The following KMT2D variants were observed in gnomAD, a reference collection of about 807,000 sequenced individuals.
KMT2D encodes lysine methyltransferase 2D.
In KMT2D, 55 loss-of-function variants were observed where a neutral mutation model predicts 512.7. The ratio of observed to expected loss-of-function variants is 0.11; its 90% confidence interval spans 0.09 to 0.13. The LOEUF is 0.13. Ranked by LOEUF, KMT2D falls within the 10% of genes least tolerant of loss-of-function variation. The pLI is 1.00. For synonymous variants in KMT2D, 2,995 were observed against 2,904.0 expected (o/e 1.03, Z -1.01); for missense variants, 6,061 against 7,127.9 (o/e 0.85, Z 5.39).
In KMT2D at chr12:49,050,200, C is replaced by T. The variant is rs371906641; in HGVS notation, c.3388G>A (p.Ala1130Thr). The T allele has an allele frequency of 3.5e-5, 56 of 1,613,678 alleles. No individual in the cohort carries two copies. The highest frequency in any genetic ancestry group is 4.5e-5 in the Non-Finnish European group (53 of 1,179,874). The change falls in exon 12 of 55, where the codon GCT becomes ACT. Residue 1130 changes from alanine (A) to threonine (T), a missense_variant. Ala to Thr is a moderately conservative substitution (Grantham distance 58). This residue lies in a region of KMT2D where 447 missense variants were observed against 500.1 expected (regional missense o/e 0.89). Transcript: ENST00000301067. Reference sequence around the variant, plus strand: ...CCAGGCTCTGGCTGTGAACCCGGAGCATCAATCCCATCCAGAGGGGCTGTG... The same window carrying T: ...CCAGGCTCTGGCTGTGAACCCGGAGTATCAATCCCATCCAGAGGGGCTGTG... ...EDTAPLDGID[A>T]PGSQPEPGQT...
In KMT2D at chr12:49,037,606, C is replaced by G; in HGVS notation, c.9750G>C (p.Glu3250Asp). Residue 3250 changes from glutamate (E) to aspartate (D), a missense_variant, in exon 35 of 55, where the codon GAG becomes GAC. Glu to Asp is a conservative substitution (Grantham distance 45, BLOSUM62 2). Around this residue, in one of 16 missense-constraint regions of KMT2D, gnomAD observed 533 missense variants for 539.6 expected, o/e 0.99. Transcript: ENST00000301067. Reference sequence around the variant, plus strand: ...CCTTCTTCTCATGCTCCAACAGGTCCTCAATGAGCAGGGGTAACTCGCTGG... The same window carrying G: ...CCTTCTTCTCATGCTCCAACAGGTCGTCAATGAGCAGGGGTAACTCGCTGG... ...LVASELPLLI[E>D]DLLEHEKKEL... 2 of 1,559,004 alleles carry G rather than the reference C, an allele frequency of 1.3e-6. No individual in the cohort carries two copies. The highest frequency in any genetic ancestry group is 1.7e-6 in the Non-Finnish European group (2 of 1,151,272).
At chr12:49,048,102 C>T (rs375849925) in intron 14 of KMT2D, 33 bp from the exon 15 acceptor site, 2 of 1,416,986 alleles carry the variant, frequency 1.4e-6, no homozygotes, top group South Asian at 1.2e-5. Flanking sequence ...AAATGTCCAA[C>T]TAGATCTCCC....
In KMT2D at chr12:49,042,832, A is replaced by C. The variant is rs1280408158; in HGVS notation, c.5691T>G (p.Asp1897Glu). ...GCTGTTCTCGTTCAGAGCCCAGAAC[A>C]TCCTTGAAGAGCTGCTGCAGGTCCT... is the stretch of plus-strand genomic sequence containing the variant. ...ESKDLQQLFK[D>E]VLGSEREQHL... Residue 1897 changes from aspartate to glutamate, a missense_variant, in exon 27 of 55, where the codon GAT becomes GAG. By Grantham distance (45) the Asp-to-Glu change is conservative. Coordinates refer to ENST00000301067, the MANE Select transcript of KMT2D (RefSeq NM_003482.4). This position sits in a 1 kb window ranked among gnomAD's most constrained non-coding sequence, Gnocchi z 4.4. The C allele has an allele frequency of 1.9e-6, 3 of 1,613,946 alleles. No homozygotes were observed. Among genetic ancestry groups the C allele is most frequent in the Non-Finnish European group, 2.5e-6 (3 of 1,179,864 alleles).
In KMT2D at chr12:49,049,975, C is replaced by T. The variant is rs748757592; in HGVS notation, c.3613G>A (p.Val1205Ile). Residue 1205 changes from valine (V) to isoleucine (I), a missense_variant, in exon 12 of 55, where the codon GTT becomes ATT. Physicochemically the swap from Val to Ile is conservative, Grantham distance 29 (BLOSUM62 3). Around this residue, in one of 16 missense-constraint regions of KMT2D, gnomAD observed 447 missense variants for 500.1 expected, o/e 0.89. Transcript: ENST00000301067. ...TPPTLIKSDI[V>I]NEISNLSQGD... Reference sequence around the variant, plus strand: ...TGGCTCAGATTAGAGATCTCGTTAACGATGTCGGATTTGATGAGAGTGGGT... The same window carrying T: ...TGGCTCAGATTAGAGATCTCGTTAATGATGTCGGATTTGATGAGAGTGGGT... 5.6e-6 allele frequency: 9 copies of T among 1,613,836 alleles called. No individual in the cohort carries two copies. In the East Asian group the frequency reaches 8.9e-5, roughly 16 times the overall value.
chr12:49,042,874 C>G lies in KMT2D; in HGVS notation c.5649G>C (p.Leu1883=), dbSNP rs1390804786. 6.2e-7 allele frequency: 1 copy of G among 1,613,840 alleles called. No individual in the cohort carries two copies. The highest frequency in any genetic ancestry group is 8.5e-7 in the Non-Finnish European group (1 of 1,179,804). The change falls in exon 27 of 55, where the codon CTG becomes CTC. Residue 1883 remains leucine (L), a synonymous_variant. Coordinates refer to ENST00000301067, the MANE Select transcript of KMT2D (RefSeq NM_003482.4). The surrounding 1 kb of genome is among the most constrained non-coding windows in gnomAD (Gnocchi z 4.4). ...GCAGGTCCTTGGATTCCATCTTGGGCAGTTCTGTGGGGGAATGAAGGACAC... is the reference window on the plus strand; with the variant it reads ...GCAGGTCCTTGGATTCCATCTTGGGGAGTTCTGTGGGGGAATGAAGGACAC... ...SDLDRISTEE[L]PKMESKDLQQ...
rs2120674686 is a variant in KMT2D at position 49,051,684 on chromosome 12, C to G, written c.1999G>C (p.Glu667Gln). 1.3e-6 allele frequency: 2 copies of G among 1,574,660 alleles called. No homozygotes were observed. Among genetic ancestry groups the G allele is most frequent in the Non-Finnish European group, 1.7e-6 (2 of 1,159,182 alleles). The change falls in exon 11 of 55, where the codon GAG becomes CAG. Residue 667 changes from glutamate to glutamine, a missense_variant. Physicochemically the swap from Glu to Gln is conservative, Grantham distance 29. This residue lies in a region of KMT2D where 848 missense variants were observed against 838.5 expected (regional missense o/e 1.01). Transcript: ENST00000301067. ...GGCGGTGGGGACAAGGGAGATTCCT[C>G]AGGCGGTGGAGACAGGCGTGACACC... The part of the protein sequence containing the change: ...PVVSRLSPPP[E>Q]ESPLSPPPEE...
chr12:49,031,450 G>T lies in KMT2D; in HGVS notation c.13255C>A (p.Pro4419Thr), dbSNP rs1942906219. 2 of 1,613,772 alleles carry T rather than the reference G, an allele frequency of 1.2e-6. No individual in the cohort carries two copies. The highest frequency in any genetic ancestry group is 1.7e-6 in the Non-Finnish European group (2 of 1,179,872). ...CCCAGGGCACATGGCTCTTCCCGAG[G>T]TTCCTGCTTGATGCTGAGTTGGGAT... ...EASQLSIKQE[P>T]REEPCALGAQ... Residue 4419 changes from proline to threonine, a missense_variant, in exon 40 of 55, where the codon CCT becomes ACT. Transcript: ENST00000301067.
In KMT2D at chr12:49,022,267, C is replaced by T. The variant is rs587783701; in HGVS notation, c.16412+13G>A. On this transcript the variant is annotated intron_variant, in intron 53 of 54. Coordinates refer to ENST00000301067, the MANE Select transcript of KMT2D (RefSeq NM_003482.4). This position sits in a 1 kb window ranked among gnomAD's most constrained non-coding sequence, Gnocchi z 8.6. ...AGGGACCACTAAATCCCTCCTTCCT[C>T]GTCATCTCTCACCTGGCAGGGCCGC... The T allele has an allele frequency of 4.4e-6, 7 of 1,602,966 alleles. No individual in the cohort carries two copies. In the African/African-American group the frequency reaches 9.4e-5, roughly 21 times the overall value.
Position 49,044,186 on chromosome 12 carries a change from C to G in KMT2D, c.5188+14G>C. On this transcript the variant is annotated intron_variant, in intron 22 of 54. Transcript: ENST00000301067. This position sits in a 1 kb window ranked among gnomAD's most constrained non-coding sequence, Gnocchi z 6.4. ...CCTTCTCCCAGGCCCCACTGGTGCC[C>G]TCACCCGTCTCACCCTCGTCGGGCT... 2 of 1,609,758 alleles carry G rather than the reference C, an allele frequency of 1.2e-6. No individual in the cohort carries two copies. Among genetic ancestry groups the G allele is most frequent in the Non-Finnish European group, 1.7e-6 (2 of 1,178,816 alleles).
chr12:49,048,576 A>AG lies in KMT2D; in HGVS notation c.4131+82dup. On this transcript the variant is annotated intron_variant, in intron 14 of 54. Coordinates refer to ENST00000301067, the MANE Select transcript of KMT2D (RefSeq NM_003482.4). Reference sequence around the variant, plus strand: ...TTTCTCATTAGCTGGGTATCCCCAAAGTAGGTCCAGTTTTCCCATCTATCC... The same window carrying AG: ...TTTCTCATTAGCTGGGTATCCCCAAAGGTAGGTCCAGTTTTCCCATCTATCC... 4 of 885,412 alleles carry AG rather than the reference A, an allele frequency of 4.5e-6. No homozygotes were observed. In the South Asian group the frequency reaches 5.7e-5, roughly 13 times the overall value. 54.8% of individuals were successfully genotyped at this position (885,412 alleles called of 1,614,324 possible). A position where few individuals can be genotyped will look rare whatever the true frequency, so the allele number is the denominator to read the frequency against.
intron 46 of KMT2D, 31 bp from the exon 47 acceptor site, chr12:49,028,172 CAT>C: frequency 6.2e-7 from 1 of 1,613,526 alleles, no homozygotes; most frequent in Non-Finnish European, 8.5e-7. Flanking sequence ...ATGGAAGAAA[CAT>C]ATCAGCCAAG....
rs1228965900 is a variant in KMT2D, at chr12:49,051,351, A to ATGGCTCCTCAGGCTGGGGGGACAGGTG, written c.2305_2331dup (p.His769_Pro777dup). 10 of 1,557,286 alleles carry ATGGCTCCTCAGGCTGGGGGGACAGGTG rather than the reference A, an allele frequency of 6.4e-6. No individual in the cohort carries two copies. The highest frequency in any genetic ancestry group is 1.8e-5 in the Admixed American group (1 of 56,154). Reference sequence around the variant, plus strand: ...GGCTCCTCAGGCACAGCGCATAGGCATGGCTCCTCAGGCTGGGGGGACAGG... The same window carrying ATGGCTCCTCAGGCTGGGGGGACAGGTG: ...GGCTCCTCAGGCACAGCGCATAGGCATGGCTCCTCAGGCTGGGGGGACAGGTGTGGCTCCTCAGGCTGGGGGGACAGG... On this transcript the variant is annotated inframe_insertion, in exon 11 of 55. Transcript: ENST00000301067.
rs1006948669 is a variant in KMT2D, at chr12:49,059,957, G to A, written c.-382C>T. ...GGGCGGCCTCTCAGTCCTAGGGCCC[G>A]GCCAGCGCCCCGGCCGCCCGCGCCG... On this transcript the variant is annotated 5_prime_UTR_variant, in exon 1 of 55. Transcript: ENST00000301067. 6.6e-6 allele frequency among the ~76,000 whole-genome samples: 1 copy of A among 151,722 alleles called. No homozygotes were observed.
In KMT2D at chr12:49,037,942, G is replaced by T. The variant is rs780087466; in HGVS notation, c.9414C>A (p.Thr3138=). The part of the protein sequence containing the change: ...HPSPCQFTIA[T]PKVEPAPAAN... Reference sequence around the variant, plus strand: ...CAGCAGGTGCGGGCTCTACCTTGGGGGTAGCAATGGTGAATTGGCAAGGAG... The same window carrying T: ...CAGCAGGTGCGGGCTCTACCTTGGGTGTAGCAATGGTGAATTGGCAAGGAG... Residue 3138 remains threonine, a synonymous_variant, in exon 35 of 55, where the codon ACC becomes ACA. Transcript: ENST00000301067. The T allele has an allele frequency of 1.2e-6, 2 of 1,603,854 alleles. No homozygotes were observed. The highest frequency in any genetic ancestry group is 2.2e-5 in the East Asian group (1 of 44,462).
Position 49,024,831 on chromosome 12 carries a change from G to T in KMT2D, c.15900C>A (p.Ala5300=). Residue 5300 remains alanine, a synonymous_variant, in exon 50 of 55, where the codon GCC becomes GCA. Coordinates refer to ENST00000301067, the MANE Select transcript of KMT2D (RefSeq NM_003482.4). The surrounding 1 kb of genome is among the most constrained non-coding windows in gnomAD (Gnocchi z 4.5). ...TTACTGATTCAGCTATGCGAAGCACGGCATGCACCGTCAGCCCAAAGAGCT... is the reference window on the plus strand; with the variant it reads ...TTACTGATTCAGCTATGCGAAGCACTGCATGCACCGTCAGCCCAAAGAGCT... The part of the protein sequence containing the change: ...GEELFGLTVH[A]VLRIAESLPG... 1 of 1,612,834 alleles carries T rather than the reference G, an allele frequency of 6.2e-7. No individual in the cohort carries two copies. Among genetic ancestry groups the T allele is most frequent in the East Asian group, 2.2e-5 (1 of 44,832 alleles).
In KMT2D at chr12:49,043,678, T is replaced by A; in HGVS notation, c.5424A>T (p.Gly1808=). ...GTTCCTTCCTTTCTGAGCCTCCATC[T>A]CCCTTGGCTTTTGGGGTCCCTAGTC... ...SFGLGTPKAK[G]DGGSERKELP... The change falls in exon 24 of 55, where the codon GGA becomes GGT. Residue 1808 remains glycine (G), a synonymous_variant. Coordinates refer to ENST00000301067, the MANE Select transcript of KMT2D (RefSeq NM_003482.4). 1 of 1,614,038 alleles carries A rather than the reference T, an allele frequency of 6.2e-7. No individual in the cohort carries two copies. The highest frequency in any genetic ancestry group is 1.1e-5 in the South Asian group (1 of 91,082).
Position 49,033,676 on chromosome 12 carries a change from G to C in KMT2D, c.11029C>G (p.Leu3677Val). 6.2e-7 allele frequency: 1 copy of C among 1,613,750 alleles called. No homozygotes were observed. Among genetic ancestry groups the C allele is most frequent in the Non-Finnish European group, 8.5e-7 (1 of 1,179,886 alleles). The change falls in exon 40 of 55, where the codon CTG (leucine) becomes GTG (valine). Residue 3677 changes from leucine to valine, a missense_variant. Leu to Val is a conservative substitution (Grantham distance 32). This residue lies in a region of KMT2D where 1,600 missense variants were observed against 1,754.9 expected (regional missense o/e 0.91). Coordinates refer to ENST00000301067, the MANE Select transcript of KMT2D (RefSeq NM_003482.4). The part of the protein sequence containing the change: ...QPGGPFLNTA[L>V]AQQQQQQHSG... ...TGTTGCTGTTGCTGCTGTTGGGCCAGAGCTGTATTAAGGAAGGGGCCACCA... is the reference window on the plus strand; with the variant it reads ...TGTTGCTGTTGCTGCTGTTGGGCCACAGCTGTATTAAGGAAGGGGCCACCA...
In KMT2D at chr12:49,054,264, C is replaced by T. The variant is rs1410415839; in HGVS notation, c.510+43G>A. Reference sequence around the variant, plus strand: ...TCCAACCTGACTCTCAGAAGCCCACCAGCCCTGCCCTTCACCTATGCAATC... The same window carrying T: ...TCCAACCTGACTCTCAGAAGCCCACTAGCCCTGCCCTTCACCTATGCAATC... On this transcript the variant is annotated intron_variant, in intron 5 of 54. Coordinates refer to ENST00000301067, the MANE Select transcript of KMT2D (RefSeq NM_003482.4). This position sits in a 1 kb window ranked among gnomAD's most constrained non-coding sequence, Gnocchi z 6.4. The T allele has an allele frequency of 1.0e-5, 16 of 1,547,138 alleles. No individual in the cohort carries two copies. The highest frequency in any genetic ancestry group is 1.4e-5 in the Non-Finnish European group (16 of 1,141,268).
chr12:49,031,063 T>C (rs1942882380), intron 40 of KMT2D, 30 bp from the exon 41 acceptor site: 1 of 1,613,286 alleles, frequency 6.2e-7, no homozygotes, highest in Middle Eastern at 1.6e-4. Flanking sequence ...TGAAGGCTGC[T>C]ACCCTCCTCC....
Sources: gnomAD v4.1 joint callset for allele counts (sites outside exome capture counted in the v4.1 genomes callset) on GRCh38, gnomAD v4.1.1 for gene constraint, gnomAD v4.1.1 regional missense constraint, Gnocchi (gnomAD v3.1) non-coding constraint, MANE v1.5 for transcripts, NCBI Gene and HGNC (gene_info 2026-07-23, HGNC 2026-07-21) for gene names.